The following CLASP2 variants were observed in gnomAD, a reference collection of about 807,000 sequenced individuals.
The protein encoded by CLASP2 is CLIP-associating protein 2.
Under a neutral mutation model 194.4 loss-of-function variants are expected in CLASP2, and 47 were observed. The ratio of observed to expected loss-of-function variants is 0.24; its 90% CI spans 0.19 to 0.31. The LOEUF (loss-of-function observed/expected upper bound fraction) is 0.31, where lower values mean the gene tolerates loss of function less well. Among genes scored for constraint, CLASP2 ranks in the 10% least tolerant of loss-of-function variants. The pLI is 1.00. For synonymous variants in CLASP2, 619 were observed against 633.5 expected, an observed-to-expected ratio of 0.98 and a Z score of 0.34; for missense variants, 1,445 against 1,823.6, an observed-to-expected ratio of 0.79 and a Z score of 3.78.
intron 3 of CLASP2, among the ~76,000 whole-genome samples, chr3:33,689,462 C>T (rs576796728): frequency 1.1e-4 from 17 of 151,988 alleles, no homozygotes; most frequent in African/African-American, 3.4e-4. Context: ...TTCTTCTGCT[C>T]TCTGTAGGAG....
chr3:33,632,311 G>A lies in CLASP2; in HGVS notation c.923C>T (p.Thr308Ile). The A allele has an allele frequency of 6.2e-7, 1 of 1,605,358 alleles. No homozygotes were observed. The highest frequency in any genetic ancestry group is 8.5e-7 in the Non-Finnish European group (1 of 1,176,156). ...CCTTACCTGAATAGAAGGGACATCT[G>A]TAAAAGCTTTTATAAAATCATCTTC... Reference protein sequence around the residue: ...VDEDDFIKAFTDVPSIQIYSS... With the variant: ...VDEDDFIKAFIDVPSIQIYSS... Residue 308 changes from threonine to isoleucine, a missense_variant, in exon 9 of 39, where the codon ACA (threonine) becomes ATA (isoleucine). Around this residue, in one of 4 missense-constraint regions of CLASP2, gnomAD observed 207 missense variants for 331.4 expected, o/e 0.62. Coordinates refer to ENST00000682230, the MANE Select transcript of CLASP2 (RefSeq NM_001365631.1).
intron 24 of CLASP2, among the ~76,000 whole-genome samples, chr3:33,575,278 G>A (rs908913145): frequency 2.6e-5 from 4 of 152,132 alleles, no homozygotes; most frequent in Admixed American, 6.5e-5. Flanking sequence ...AACTACACGT[G>A]TGATATTCAA....
chr3:33,530,214 C>T (rs1201106423), intron 34 of CLASP2, among the ~76,000 whole-genome samples: 2 of 151,998 alleles, frequency 1.3e-5, no homozygotes, highest in African/African-American at 4.8e-5. Context: ...TGGTGCATGC[C>T]TTGTAATCCC....
At chr3:33,604,930 T>C (rs1433909466) in intron 16 of CLASP2, among the ~76,000 whole-genome samples, 2 of 152,186 alleles carry the variant, frequency 1.3e-5, no homozygotes, top group African/African-American at 2.4e-5. Context: ...AACCAAAGCC[T>C]CTCTCACCTA....
intron 1 of CLASP2, among the ~76,000 whole-genome samples, chr3:33,711,174 G>GC (rs1231659649): frequency 6.6e-6 from 1 of 151,794 alleles, no homozygotes; most frequent in Non-Finnish European, 1.5e-5. Flanking sequence ...GAGGTTTTGT[G>GC]TTTTTCTCCA....
intron 8 of CLASP2, among the ~76,000 whole-genome samples, chr3:33,635,002 T>C (rs2079849386): frequency 6.6e-6 from 1 of 151,948 alleles, no homozygotes; most frequent in Non-Finnish European, 1.5e-5. Flanking sequence ...GGCTCACACC[T>C]GTAATCTGGG....
chr3:33,507,313 A>C (rs2048535356), intron 37 of CLASP2, among the ~76,000 whole-genome samples: 1 of 152,170 alleles, frequency 6.6e-6, no homozygotes, highest in Non-Finnish European at 1.5e-5. Flanking sequence ...TTCTTTACTA[A>C]AGAAATTTGG....
chr3:33,635,175 G>A (rs140113473), intron 8 of CLASP2, among the ~76,000 whole-genome samples: 10 of 151,888 alleles, frequency 6.6e-5, no homozygotes, highest in Non-Finnish European at 1.2e-4. Context: ...CACGAGAATC[G>A]CTTGAACCTG....
chr3:33,662,825 T>C (rs1344857884), intron 7 of CLASP2, among the ~76,000 whole-genome samples: 1 of 152,132 alleles, frequency 6.6e-6, no homozygotes, highest in Non-Finnish European at 1.5e-5. Context: ...CAAGTGTAGG[T>C]AAATGCTACC....
In CLASP2 at chr3:33,601,090, C is replaced by T. The variant is rs554552582; in HGVS notation, c.1924+1862G>A. Among the ~76,000 whole-genome samples the T allele has an allele frequency of 1.4e-4, 21 of 151,790 alleles. No homozygotes were observed. The East Asian group carries it at 3.3e-3, about 24-fold the overall frequency. On this transcript the variant is annotated intron_variant, in intron 18 of 38. Transcript: ENST00000682230. ...TCTCCTGCCTCAGCCTCCCGAGTAG[C>T]TGGGACTACAGGCGCTCGCCACCAC... is the stretch of plus-strand genomic sequence containing the variant.
chr3:33,515,960 C>T (rs1322506948), intron 36 of CLASP2, 63 bp downstream of exon 36: 3 of 1,483,224 alleles, frequency 2.0e-6, no homozygotes, highest in Non-Finnish European at 2.7e-6. Context: ...ACATTTTACA[C>T]AATGGTTACA....
intron 7 of CLASP2, among the ~76,000 whole-genome samples, chr3:33,663,001 G>C (rs904446848): frequency 2.6e-5 from 4 of 151,918 alleles, no homozygotes; most frequent in Non-Finnish European, 5.9e-5. Flanking sequence ...TGAGTCTCTT[G>C]ATCAGTTATA....
chr3:33,627,066 T>G lies in CLASP2; in HGVS notation c.957A>C (p.Arg319=). 6.5e-7 allele frequency: 1 copy of G among 1,544,120 alleles called. No individual in the cohort carries two copies. The highest frequency in any genetic ancestry group is 1.8e-5 in the Admixed American group (1 of 55,390). ...TTTTATTTAATGTTTCTTCGAGTTC[T>G]CGACTAGAATAAATCTTAAAAAAAA... ...DVPSIQIYSS[R]ELEETLNKIR... The change falls in exon 10 of 39, where the codon CGA becomes CGC. Residue 319 remains arginine, a synonymous_variant. Coordinates refer to ENST00000682230, the MANE Select transcript of CLASP2 (RefSeq NM_001365631.1).
chr3:33,564,133 A>C (rs989106788), intron 27 of CLASP2, among the ~76,000 whole-genome samples: 1 of 152,214 alleles, frequency 6.6e-6, no homozygotes, highest in Non-Finnish European at 1.5e-5. Context: ...ACCATTTGAA[A>C]ATAAAGACTA....
chr3:33,701,370 G>C (rs2092361366), intron 1 of CLASP2, among the ~76,000 whole-genome samples: 1 of 152,246 alleles, frequency 6.6e-6, no homozygotes, highest in Non-Finnish European at 1.5e-5. Context: ...AGCACTTCTG[G>C]AGGCTGAGAC....
At chr3:33,697,868 T>C (rs186501938) in intron 1 of CLASP2, among the ~76,000 whole-genome samples, 2 of 152,068 alleles carry the variant, frequency 1.3e-5, no homozygotes, top group East Asian at 3.9e-4. Flanking sequence ...AGGAGGAAAA[T>C]AAACCCATGA....
At chr3:33,564,719 T>C (rs937259660) in intron 27 of CLASP2, among the ~76,000 whole-genome samples, 8 of 151,856 alleles carry the variant, frequency 5.3e-5, no homozygotes, top group African/African-American at 1.9e-4. Flanking sequence ...GCCTCCTGAG[T>C]AGGTAGGGCT....
chr3:33,704,508 T>C (rs545676851), intron 1 of CLASP2, among the ~76,000 whole-genome samples: 1 of 152,260 alleles, frequency 6.6e-6, no homozygotes, highest in East Asian at 1.9e-4. Context: ...TCCCAGCACT[T>C]TGAGAGGCCA....
chr3:33,503,248 G>A (rs1186928729), intron 37 of CLASP2: 1 of 152,080 alleles, frequency 6.6e-6, no homozygotes, highest in Non-Finnish European at 1.5e-5. Context: ...GATATATCAT[G>A]TTGTTTATCC....
Sources: allele counts gnomAD v4.1 joint callset (sites outside exome capture counted in the v4.1 genomes callset), GRCh38; gene constraint gnomAD v4.1.1; regional missense constraint gnomAD v4.1.1; transcripts MANE v1.5; gene names NCBI Gene and HGNC (gene_info 2026-07-23, HGNC 2026-07-21).